AR: variants seen among roughly 807,000 people sequenced by gnomAD.
AR encodes the protein androgen receptor, also known as dihydrotestosterone receptor.
In AR, 8 loss-of-function variants were observed where a neutral mutation model predicts 53.9. That is an observed-to-expected ratio of 0.15 (90% confidence interval 0.09 to 0.27). AR has a LOEUF of 0.27. Among genes scored for constraint, AR ranks in the 10% least tolerant of loss-of-function variants. AR has a pLI of 1.00. For missense variants in AR, 639 were observed against 742.5 expected (o/e 0.86, Z 1.62); for synonymous variants, 359 against 316.4 (o/e 1.13, Z -1.43).
chrX:67,717,378 G>A, intron 4 of AR, 100 bp from the exon 5 acceptor site: 1 of 1,097,691 alleles, frequency 9.1e-7, no homozygotes, highest in Non-Finnish European at 1.2e-6. Context: ...ATCCTTAGGG[G>A]ATGCCCGAAT....
intron 1 of AR, among the ~76,000 whole-genome samples, chrX:67,608,405 T>A (rs919767271): frequency 7.1e-5 from 8 of 112,125 alleles, no homozygotes; most frequent in African/African-American, 2.6e-4. Context: ...TGGTGCCAGC[T>A]TAAGATGCTC....
rs1357085677 is a variant in AR at position 67,544,529 on chromosome X, A to C, written c.-618A>C. On this transcript the variant is annotated 5_prime_UTR_variant, in exon 1 of 8. Transcript: ENST00000374690. ...AACTCCCTTTGGCTGCGAGCGGGCG[A>C]GCTAGCTGCACATTGCAAAGAAGGC... 2.8e-5 allele frequency: 3 copies of C among 108,126 alleles called. No homozygotes were observed. Among genetic ancestry groups the C allele is most frequent in the African/African-American group, 1.2e-4 (3 of 25,097 alleles). 8.9% of individuals were successfully genotyped at this position (108,126 alleles called of 1,213,427 possible).
At chrX:67,631,233 G>A (rs1379995722) in intron 1 of AR, among the ~76,000 whole-genome samples, 1 of 111,491 alleles carries the variant, frequency 9.0e-6, no homozygotes, top group African/African-American at 3.3e-5. Context: ...CCTGCAGAGT[G>A]TTTTCCAACT....
At chrX:67,692,803 C>T (rs761741769) in intron 3 of AR, among the ~76,000 whole-genome samples, 1 of 112,159 alleles carries the variant, frequency 8.9e-6, no homozygotes, top group East Asian at 2.8e-4. Context: ...TCTGTTCTCT[C>T]TCTCTCTGCT....
intron 1 of AR, among the ~76,000 whole-genome samples, chrX:67,584,145 A>T: frequency 8.9e-6 from 1 of 111,862 alleles, no homozygotes. Context: ...CTGGAAAGAA[A>T]ATATATTGTC....
intron 5 of AR, among the ~76,000 whole-genome samples, 198 bp from the exon 6 acceptor site, chrX:67,721,635 T>G (rs992170402): frequency 1.8e-5 from 2 of 111,269 alleles, no homozygotes. Context: ...GTCAGGATTT[T>G]GGAAAACAGA....
intron 3 of AR, among the ~76,000 whole-genome samples, chrX:67,693,195 A>C (rs1029217580): frequency 8.9e-6 from 1 of 112,626 alleles, no homozygotes; most frequent in Non-Finnish European, 1.9e-5. Context: ...TGTAAAATTT[A>C]TACTTAAATC....
intron 1 of AR, among the ~76,000 whole-genome samples, chrX:67,555,428 C>A (rs1921008451): frequency 8.9e-6 from 1 of 112,063 alleles, no homozygotes; most frequent in Non-Finnish European, 1.9e-5. Context: ...AAGTTAGTTG[C>A]CAATTTCTTC....
At chrX:67,694,201 A>G (rs1359386591) in intron 3 of AR, among the ~76,000 whole-genome samples, 1 of 111,085 alleles carries the variant, frequency 9.0e-6, no homozygotes, top group Non-Finnish European at 1.9e-5. Flanking sequence ...AGTCTGAGTA[A>G]TAATGCTTAT....
At chrX:67,569,150 G>A (rs1921693229) in intron 1 of AR, 2 of 567,137 alleles carry the variant, frequency 3.5e-6, no homozygotes, top group Non-Finnish European at 5.0e-6. Context: ...TAGCTTGCTT[G>A]AATATCTTAG....
At chrX:67,716,344 G>A (rs1330564504) in intron 4 of AR, among the ~76,000 whole-genome samples, 4 of 112,073 alleles carry the variant, frequency 3.6e-5, no homozygotes, top group Admixed American at 1.9e-4. Flanking sequence ...CTTCTTCTTG[G>A]ATGAGTTGGG....
intron 1 of AR, 135 bp from the exon 2 acceptor site, chrX:67,643,121 G>C: frequency 1.3e-6 from 1 of 782,239 alleles, no homozygotes. Context: ...AGAAAATTCA[G>C]CTTCACACTA....
chrX:67,697,499 A>G lies in AR; in HGVS notation c.1885+11373A>G, dbSNP rs752214283. Among the ~76,000 whole-genome samples the G allele has an allele frequency of 4.5e-5, 5 of 111,476 alleles. No individual in the cohort carries two copies. In the South Asian group the frequency reaches 1.9e-3, roughly 43 times the overall value. On this transcript the variant is annotated intron_variant, in intron 3 of 7. Transcript: ENST00000374690. ...TCTGAAACCTGCCAGCATGACTCTC[A>G]ATCTTTGACTTGAGACCAGTTGCCC...
chrX:67,606,373 G>T (rs149012779), intron 1 of AR, among the ~76,000 whole-genome samples: 1 of 111,800 alleles, frequency 8.9e-6, no homozygotes, highest in South Asian at 3.7e-4. Context: ...ACAATGTGAC[G>T]TTATGATATA....
intron 2 of AR, among the ~76,000 whole-genome samples, chrX:67,672,975 G>C (rs954379121): frequency 1.8e-5 from 2 of 110,345 alleles, no homozygotes; most frequent in Non-Finnish European, 3.8e-5. Context: ...TTGTTGATCT[G>C]TGAAAGTCTT....
intron 1 of AR, among the ~76,000 whole-genome samples, chrX:67,562,773 C>T (rs1029284849): frequency 9.0e-6 from 1 of 111,429 alleles, no homozygotes; most frequent in East Asian, 2.9e-4. Context: ...AATTCTAGCA[C>T]GGCCACATAA....
chrX:67,723,147 G>C (rs2076143198), intron 7 of AR, among the ~76,000 whole-genome samples, 163 bp downstream of exon 7: 1 of 110,197 alleles, frequency 9.1e-6, no homozygotes. Flanking sequence ...AAGAACACGG[G>C]TCACAGTGTC....
At chrX:67,556,753 A>G (rs748959960) in intron 1 of AR, among the ~76,000 whole-genome samples, 1 of 111,556 alleles carries the variant, frequency 9.0e-6, no homozygotes, top group Admixed American at 9.5e-5. Flanking sequence ...GGAAAAGTAA[A>G]TTTTGAGTAG....
At chrX:67,670,778 G>T (rs1249573309) in intron 2 of AR, among the ~76,000 whole-genome samples, 6 of 110,336 alleles carry the variant, frequency 5.4e-5, no homozygotes. Context: ...AGGCCCTGGT[G>T]TATGATGTTC....
Sources: allele counts gnomAD v4.1 joint callset (sites outside exome capture counted in the v4.1 genomes callset), GRCh38; gene constraint gnomAD v4.1.1; transcripts MANE v1.5; gene names NCBI Gene and HGNC (gene_info 2026-07-23, HGNC 2026-07-21).